Variants in NRG3 observed in about 807,000 individuals in gnomAD.
NRG3 encodes the protein neuregulin 3.
NRG3 carries 31 observed loss-of-function variants against 66.9 expected under a neutral mutation model. The ratio of observed to expected loss-of-function variants is 0.46; its 90% CI spans 0.35 to 0.63. The LOEUF (loss-of-function observed/expected upper bound fraction) is 0.63, where lower values mean the gene tolerates loss of function less well. NRG3 is among the 20% of genes least tolerant of loss of function. The probability of loss-of-function intolerance (pLI) is 0.00; values close to 1 mark genes in which losing one functional copy is unlikely to be tolerated. For synonymous variants in NRG3, 393 were observed against 359.4 expected (o/e 1.09, Z -1.06); for missense variants, 910 against 878.9 (o/e 1.04, Z -0.45).
At chr10:82,884,351 T>C (rs1255012434) in intron 4 of NRG3, among the ~76,000 whole-genome samples, 3 of 152,200 alleles carry the variant, frequency 2.0e-5, no homozygotes, top group Non-Finnish European at 4.4e-5. Flanking sequence ...ATCTTTGTTT[T>C]TTCTGTTCCA....
intron 1 of NRG3, chr10:81,878,008 G>A: frequency 2.6e-6 from 4 of 1,537,640 alleles, no homozygotes; most frequent in Non-Finnish European, 3.5e-6. Flanking sequence ...GGAGAGGAGG[G>A]GGACTACACA....
intron 1 of NRG3, among the ~76,000 whole-genome samples, chr10:82,255,070 C>G (rs907637313): frequency 1.3e-5 from 2 of 152,190 alleles, no homozygotes; most frequent in Admixed American, 6.5e-5. Flanking sequence ...AAGGTCAATA[C>G]TCACAATCAT....
chr10:82,305,152 G>A (rs902810303), intron 1 of NRG3, among the ~76,000 whole-genome samples: 12 of 151,310 alleles, frequency 7.9e-5, no homozygotes, highest in East Asian at 1.9e-4. Context: ...CCACCACCAC[G>A]CTCGGCTAAT....
intron 1 of NRG3, among the ~76,000 whole-genome samples, chr10:82,310,797 C>G (rs186244276): frequency 6.6e-6 from 1 of 152,220 alleles, no homozygotes; most frequent in Admixed American, 6.5e-5. Context: ...CTCTCTCTTC[C>G]CCTCTCTTCC....
In NRG3 at chr10:82,945,463, A is replaced by T. The variant is rs78512806; in HGVS notation, c.1055-6006A>T. ...CCACAAAATGGGTACTTTATTTTGA[A>T]AAAAGAAATTTATTTGGTTCATGTT... On this transcript the variant is annotated intron_variant, in intron 4 of 8. Transcript: ENST00000372141. Among the ~76,000 whole-genome samples, 338 of 152,306 alleles carry T rather than the reference A, an allele frequency of 2.2e-3. 2 individuals carry two copies. The highest frequency in any genetic ancestry group is 7.9e-3 in the African/African-American group (328 of 41,558).
chr10:82,442,473 A>C (rs1242330740), intron 2 of NRG3, among the ~76,000 whole-genome samples: 4 of 152,216 alleles, frequency 2.6e-5, no homozygotes, highest in Admixed American at 2.6e-4. Flanking sequence ...GGATGGGTTT[A>C]GTGAGAAGGA....
intron 2 of NRG3, among the ~76,000 whole-genome samples, chr10:82,691,964 A>G (rs893849690): frequency 2.6e-5 from 4 of 152,124 alleles, no homozygotes; most frequent in Non-Finnish European, 5.9e-5. Flanking sequence ...AACCAATAAG[A>G]CTTACCCTAA....
chr10:82,320,736 G>T (rs1442897373), intron 1 of NRG3, among the ~76,000 whole-genome samples: 1 of 152,156 alleles, frequency 6.6e-6, no homozygotes, highest in Non-Finnish European at 1.5e-5. Flanking sequence ...CTGCGTAGAA[G>T]AGAGTGGTTC....
chr10:82,012,173 T>G (rs2061604963), intron 1 of NRG3, among the ~76,000 whole-genome samples: 1 of 152,236 alleles, frequency 6.6e-6, no homozygotes, highest in South Asian at 2.1e-4. Context: ...TCTTTACTTC[T>G]GTGTACCCAC....
intron 2 of NRG3, among the ~76,000 whole-genome samples, chr10:82,416,309 C>T (rs1032391374): frequency 6.6e-6 from 1 of 152,188 alleles, no homozygotes; most frequent in Non-Finnish European, 1.5e-5. Flanking sequence ...TATCAGGTGA[C>T]TTAGCAACCA....
chr10:82,562,394 T>A lies in NRG3; in HGVS notation c.954-176183T>A, dbSNP rs1011689998. On this transcript the variant is annotated intron_variant, in intron 2 of 8. Transcript: ENST00000372141. ...ACAGACTGTTCAACTTTTGTTTTTA[T>A]TTTGTTGAAAGGTCTTTCTCTTGCT... 1.0e-3 allele frequency among the ~76,000 whole-genome samples: 154 copies of A among 152,312 alleles called. 1 individual carries two copies. The highest frequency in any genetic ancestry group is 3.0e-3 in the African/African-American group (125 of 41,574).
At chr10:82,626,265 C>A (rs2133675355) in intron 2 of NRG3, among the ~76,000 whole-genome samples, 1 of 152,206 alleles carries the variant, frequency 6.6e-6, no homozygotes, top group Non-Finnish European at 1.5e-5. Flanking sequence ...TAGCAGGTTT[C>A]TTGTTGAGGT....
intron 1 of NRG3, among the ~76,000 whole-genome samples, chr10:82,015,839 T>G (rs1334401829): frequency 6.6e-6 from 1 of 151,704 alleles, no homozygotes; most frequent in Non-Finnish European, 1.5e-5. Flanking sequence ...TTCTTATCTG[T>G]GAAATGGGTT....
At chr10:82,136,933 TGA>T (rs745948298) in intron 1 of NRG3, among the ~76,000 whole-genome samples, 2 of 152,188 alleles carry the variant, frequency 1.3e-5, no homozygotes, top group Admixed American at 6.6e-5. Context: ...TGCTGGGAGA[TGA>T]GAGAGGGGTA....
intron 1 of NRG3, among the ~76,000 whole-genome samples, chr10:82,109,571 GTGTGTGTATA>G (rs1564571070): frequency 2.9e-5 from 4 of 135,792 alleles, no homozygotes; most frequent in Non-Finnish European, 3.1e-5. Flanking sequence ...GTGTGTGTGT[GTGTGTGTATA>G]TATATATTTT....
chr10:82,433,253 T>A (rs1019306318), intron 2 of NRG3, among the ~76,000 whole-genome samples: 2 of 152,218 alleles, frequency 1.3e-5, no homozygotes, highest in Non-Finnish European at 2.9e-5. Flanking sequence ...GATGGCCACG[T>A]AGATGTCTTC....
intron 2 of NRG3, among the ~76,000 whole-genome samples, chr10:82,375,612 C>T (rs926956696): frequency 6.6e-5 from 10 of 151,524 alleles, no homozygotes; most frequent in African/African-American, 2.2e-4. Context: ...AACGCCAAAA[C>T]GCTAAGTGAA....
At chr10:82,625,046 A>G (rs1389355604) in intron 2 of NRG3, among the ~76,000 whole-genome samples, 1 of 151,700 alleles carries the variant, frequency 6.6e-6, no homozygotes, top group Non-Finnish European at 1.5e-5. Context: ...ATAGAACAGA[A>G]GTGAAGCTGA....
chr10:82,951,959 TTATC>T (rs1196731661), intron 5 of NRG3, among the ~76,000 whole-genome samples: 5 of 152,310 alleles, frequency 3.3e-5, no homozygotes, highest in African/African-American at 7.2e-5. Context: ...TTATCAACCA[TTATC>T]TATCTATTTC....
Sources: gnomAD v4.1 joint callset for allele counts (sites outside exome capture counted in the v4.1 genomes callset) on GRCh38, gnomAD v4.1.1 for gene constraint, MANE v1.5 for transcripts, NCBI Gene and HGNC (gene_info 2026-07-23, HGNC 2026-07-21) for gene names.